PDE11A: variants seen among roughly 807,000 people sequenced by gnomAD.
The protein encoded by PDE11A is dual 3',5'-cyclic-AMP and -GMP phosphodiesterase 11A.
PDE11A carries 100 observed loss-of-function variants against 100.5 expected under a neutral mutation model. That is an observed-to-expected ratio of 1.00 (90% confidence interval 0.85 to 1.18). The LOEUF is 1.18. Among genes scored for constraint, PDE11A ranks in the 50% most tolerant of loss-of-function variants. The probability of loss-of-function intolerance (pLI) is 0.00; values close to 1 mark genes in which losing one functional copy is unlikely to be tolerated. For synonymous variants in PDE11A, 381 were observed against 420.8 expected, an observed-to-expected ratio of 0.91 and a Z score of 1.16; for missense variants, 1,141 against 1,152.6, an observed-to-expected ratio of 0.99 and a Z score of 0.15.
intron 16 of PDE11A, 44 bp from the exon 17 acceptor site, chr2:177,675,562 T>A (rs1225633699): frequency 1.3e-6 from 2 of 1,515,352 alleles, no homozygotes; most frequent in Non-Finnish European, 9.2e-7. Context: ...AATCTTTTGT[T>A]GCATTCCTAA....
At chr2:177,779,500 C>T (rs1253142552) in intron 9 of PDE11A, among the ~76,000 whole-genome samples, 4 of 152,210 alleles carry the variant, frequency 2.6e-5, no homozygotes, top group Non-Finnish European at 4.4e-5. Flanking sequence ...GTTTTGTCAA[C>T]TAAATTTGTG....
At chr2:177,965,046 G>A (rs2085681700) in intron 2 of PDE11A, among the ~76,000 whole-genome samples, 1 of 152,024 alleles carries the variant, frequency 6.6e-6, no homozygotes, top group South Asian at 2.1e-4. Flanking sequence ...ATTTTTTGAT[G>A]TTTTAATAGG....
At position 177,627,680 on chromosome 2, in the gene PDE11A, T is replaced by A. The variant is rs2079856958; in HGVS notation, c.*1727A>T. On this transcript the variant is annotated 3_prime_UTR_variant, in exon 20 of 20. Transcript: ENST00000286063. Reference sequence around the variant, plus strand: ...GGCAAACATGGTGAAACCCTGTGTCTACTAAAAGTACAAAAATTAGCCAGG... The same window carrying A: ...GGCAAACATGGTGAAACCCTGTGTCAACTAAAAGTACAAAAATTAGCCAGG... The A allele has an allele frequency of 6.6e-6, 1 of 152,128 alleles. No homozygotes were observed. The highest frequency in any genetic ancestry group is 2.4e-5 in the African/African-American group (1 of 41,426). The allele number at this position is 152,128 out of a possible 1,614,324, so 9.4% of individuals were successfully genotyped here.
chr2:177,934,119 CA>C lies in PDE11A; in HGVS notation c.1072-28933del, dbSNP rs952570215. Among the ~76,000 whole-genome samples the C allele has an allele frequency of 3.3e-5, 5 of 151,710 alleles. No homozygotes were observed. The South Asian group carries it at 8.3e-4, about 25-fold the overall frequency. ...TCAAAAGCAATTACAATAACAACAA[CA>C]AAAAAAATTGACAAATGGGATCTTA... On this transcript the variant is annotated intron_variant, in intron 2 of 19. Transcript: ENST00000286063.
At chr2:178,061,145 A>AT (rs1362701044) in intron 1 of PDE11A, among the ~76,000 whole-genome samples, 1 of 151,896 alleles carries the variant, frequency 6.6e-6, no homozygotes, top group Non-Finnish European at 1.5e-5. Flanking sequence ...AAGTTTCACC[A>AT]TATTGGCCAG....
intron 5 of PDE11A, among the ~76,000 whole-genome samples, chr2:177,843,323 A>G (rs1308586006): frequency 6.6e-6 from 1 of 152,198 alleles, no homozygotes; most frequent in Non-Finnish European, 1.5e-5. Flanking sequence ...GAGTTAATGG[A>G]TAGCGTTATA....
At chr2:177,873,596 T>C (rs371218626) in intron 5 of PDE11A, among the ~76,000 whole-genome samples, 5 of 152,266 alleles carry the variant, frequency 3.3e-5, no homozygotes, top group African/African-American at 1.2e-4. Flanking sequence ...TTTTGACAAA[T>C]ACAGTTGTAT....
At chr2:177,901,360 C>A (rs2084695873) in intron 3 of PDE11A, among the ~76,000 whole-genome samples, 1 of 152,140 alleles carries the variant, frequency 6.6e-6, no homozygotes, top group African/African-American at 2.4e-5. Flanking sequence ...CCCCACCCAC[C>A]AAATTATCCT....
At chr2:177,815,512 A>C (rs889860866) in intron 9 of PDE11A, among the ~76,000 whole-genome samples, 1 of 152,138 alleles carries the variant, frequency 6.6e-6, no homozygotes, top group Non-Finnish European at 1.5e-5. Flanking sequence ...GGGCTGTCTC[A>C]GAAGAGCAAA....
chr2:177,728,219 C>T (rs949715093), intron 10 of PDE11A, 47 bp from the exon 11 acceptor site: 27 of 1,583,796 alleles, frequency 1.7e-5, no homozygotes, highest in Non-Finnish European at 2.2e-5. Flanking sequence ...CCAGCTTTCC[C>T]AAACCCCCAT....
rs540411973 is a variant in PDE11A, at chr2:177,915,032, A to G, written c.1072-9845T>C. 3.9e-5 allele frequency among the ~76,000 whole-genome samples: 6 copies of G among 152,276 alleles called. No homozygotes were observed. The South Asian group carries it at 1.2e-3, about 32-fold the overall frequency. ...TTTATTCCTTTTAAAATTTTGTTTT[A>G]AAGAAGTAGATTTTTTTTAGGGCAG... is the stretch of plus-strand genomic sequence containing the variant. On this transcript the variant is annotated intron_variant, in intron 2 of 19. Transcript: ENST00000286063.
At chr2:178,001,815 T>C (rs2086148717) in intron 2 of PDE11A, among the ~76,000 whole-genome samples, 1 of 152,182 alleles carries the variant, frequency 6.6e-6, no homozygotes, top group Admixed American at 6.5e-5. Flanking sequence ...GAATAGAGTA[T>C]ATGAACCATT....
At chr2:178,058,013 G>A (rs147285100) in intron 1 of PDE11A, among the ~76,000 whole-genome samples, 6 of 151,984 alleles carry the variant, frequency 3.9e-5, no homozygotes, top group East Asian at 3.9e-4. Context: ...ACCTGCCACC[G>A]TGCCCGGCCA....
Position 177,656,503 on chromosome 2 carries a change from G to A in PDE11A, c.2646+7363C>T, listed in dbSNP as rs542520958. 6.7e-4 allele frequency among the ~76,000 whole-genome samples: 102 copies of A among 152,188 alleles called. 1 individual carries two copies. Among genetic ancestry groups the A allele is most frequent in the African/African-American group, 2.4e-3 (98 of 41,426 alleles). On this transcript the variant is annotated intron_variant, in intron 19 of 19. Coordinates refer to ENST00000286063, the MANE Select transcript of PDE11A (RefSeq NM_016953.4). ...AAGCAACACATGACTGTATTTATAG[G>A]TGATAACTAAATGACATTATAAGCT...
In PDE11A at chr2:177,836,986, T is replaced by C. The variant is rs536858050; in HGVS notation, c.1500+3265A>G. Reference sequence around the variant, plus strand: ...AGGGTCCACAGCTTCATTCTTGAAGTCAATGAGACCAAGAACCCACCAATT... The same window carrying C: ...AGGGTCCACAGCTTCATTCTTGAAGCCAATGAGACCAAGAACCCACCAATT... On this transcript the variant is annotated intron_variant, in intron 6 of 19. Coordinates refer to ENST00000286063, the MANE Select transcript of PDE11A (RefSeq NM_016953.4). 2.0e-5 allele frequency among the ~76,000 whole-genome samples: 3 copies of C among 152,176 alleles called. No homozygotes were observed. The South Asian group carries it at 6.2e-4, about 32-fold the overall frequency.
chr2:177,810,330 G>A (rs888572688), intron 9 of PDE11A, among the ~76,000 whole-genome samples: 2 of 152,132 alleles, frequency 1.3e-5, no homozygotes, highest in Non-Finnish European at 2.9e-5. Context: ...AAGAATAAAA[G>A]CTAGATAAGA....
intron 2 of PDE11A, among the ~76,000 whole-genome samples, chr2:177,930,882 A>C (rs2085196229): frequency 6.6e-6 from 1 of 152,228 alleles, no homozygotes; most frequent in Non-Finnish European, 1.5e-5. Context: ...TAGAATGCTT[A>C]GCCTCAACTG....
At chr2:177,767,912 A>T (rs1446548773) in intron 10 of PDE11A, among the ~76,000 whole-genome samples, 24 of 152,104 alleles carry the variant, frequency 1.6e-4, no homozygotes, top group Non-Finnish European at 3.5e-4. Flanking sequence ...GGTATGCAGG[A>T]TGTTTTCCTC....
At chr2:177,972,428 G>C (rs1446731580) in intron 2 of PDE11A, among the ~76,000 whole-genome samples, 1 of 152,152 alleles carries the variant, frequency 6.6e-6, no homozygotes, top group Non-Finnish European at 1.5e-5. Context: ...TGAAGTGGTG[G>C]GGAGAAAGCC....
Sources: gnomAD v4.1 joint callset for allele counts (sites outside exome capture counted in the v4.1 genomes callset) on GRCh38, gnomAD v4.1.1 for gene constraint, MANE v1.5 for transcripts, NCBI Gene and HGNC (gene_info 2026-07-23, HGNC 2026-07-21) for gene names.